SLC25A21: variants seen among roughly 807,000 people sequenced by gnomAD.
SLC25A21 encodes the protein solute carrier family 25 member 21, also known as mitochondrial 2-oxodicarboxylate carrier.
SLC25A21 carries 47 observed loss-of-function variants against 43.8 expected under a neutral mutation model. The ratio of observed to expected loss-of-function variants is 1.07; its 90% confidence interval spans 0.85 to 1.37. SLC25A21 has a LOEUF of 1.37. SLC25A21 is among the 40% of genes most tolerant of loss of function. The pLI, the probability that SLC25A21 is intolerant of heterozygous loss-of-function variation, is 0.00. For synonymous variants in SLC25A21, 131 were observed against 121.3 expected (o/e 1.08, Z -0.52); for missense variants, 352 against 350.2 (o/e 1.00, Z -0.04).
At chr14:37,158,016 T>A (rs530767424) in intron 1 of SLC25A21, among the ~76,000 whole-genome samples, 78 of 152,104 alleles carry the variant, frequency 5.1e-4, no homozygotes, top group Non-Finnish European at 9.4e-4. Flanking sequence ...ACATACAACC[T>A]ACAAAGATTG....
At chr14:37,029,970 G>C (rs760074352) in intron 1 of SLC25A21, among the ~76,000 whole-genome samples, 3 of 151,688 alleles carry the variant, frequency 2.0e-5, no homozygotes, top group African/African-American at 7.3e-5. Context: ...TCACTATGTT[G>C]TCCAGGCTGG....
chr14:37,172,131 G>T, intron 1 of SLC25A21, 150 bp downstream of exon 1: 3 of 789,166 alleles, frequency 3.8e-6, no homozygotes, highest in Non-Finnish European at 5.9e-6. Context: ...CTGCTCTCGC[G>T]CCTCTAGGGG....
At chr14:36,977,809 T>C (rs758147183) in intron 1 of SLC25A21, among the ~76,000 whole-genome samples, 30 of 152,166 alleles carry the variant, frequency 2.0e-4, no homozygotes, top group Non-Finnish European at 4.0e-4. Flanking sequence ...AAAGTTGTGT[T>C]CTTACTAGGA....
At chr14:36,960,489 A>G (rs1467566358) in intron 1 of SLC25A21, among the ~76,000 whole-genome samples, 1 of 152,098 alleles carries the variant, frequency 6.6e-6, no homozygotes, top group African/African-American at 2.4e-5. Flanking sequence ...GCATGTAATA[A>G]TTCTTTATAT....
intron 7 of SLC25A21, among the ~76,000 whole-genome samples, chr14:36,708,896 T>A (rs1883702471): frequency 6.6e-6 from 1 of 152,000 alleles, no homozygotes; most frequent in African/African-American, 2.4e-5. Context: ...GTTTTTTTTT[T>A]AAACAATTGA....
chr14:36,883,544 T>C (rs900534330), intron 1 of SLC25A21, among the ~76,000 whole-genome samples: 5 of 152,212 alleles, frequency 3.3e-5, no homozygotes, highest in Admixed American at 6.5e-5. Flanking sequence ...TGTCTGTCTC[T>C]TCTGATGGAA....
intron 1 of SLC25A21, among the ~76,000 whole-genome samples, chr14:37,164,727 T>C (rs774666105): frequency 9.2e-5 from 14 of 152,184 alleles, no homozygotes; most frequent in Non-Finnish European, 1.6e-4. Context: ...TGTAAGAAAT[T>C]TGAAAACATC....
intron 1 of SLC25A21, among the ~76,000 whole-genome samples, chr14:37,013,625 T>C (rs1365573942): frequency 6.6e-6 from 1 of 152,144 alleles, no homozygotes; most frequent in Non-Finnish European, 1.5e-5. Flanking sequence ...CACACTTTCA[T>C]ATAAAAGTAC....
rs757711209 is a variant in SLC25A21 at position 36,697,738 on chromosome 14, C to CTTTTTTTTTTTTTTTTTTTTTTTTT, written c.604-12814_604-12813insAAAAAAAAAAAAAAAAAAAAAAAAA. ...TCTGAGACTAGGATTGCAAGCCCTA[C>CTTTTTTTTTTTTTTTTTTTTTTTTT]TTTTTTTTTTTGCTTTCCATTTGCT... On this transcript the variant is annotated intron_variant, in intron 7 of 9. Transcript: ENST00000331299. Among the ~76,000 whole-genome samples the CTTTTTTTTTTTTTTTTTTTTTTTTT allele has an allele frequency of 1.6e-4, 18 of 111,646 alleles. 1 individual carries two copies. The highest frequency in any genetic ancestry group is 3.4e-4 in the East Asian group (1 of 2,942). The allele number at this position is 111,646 out of a possible 152,430, so 73.2% of individuals were successfully genotyped here. A position where few individuals can be genotyped will look rare whatever the true frequency, so the allele number is the denominator to read the frequency against.
chr14:37,009,010 C>T (rs1490418409), intron 1 of SLC25A21, among the ~76,000 whole-genome samples: 3 of 152,022 alleles, frequency 2.0e-5, no homozygotes, highest in South Asian at 4.1e-4. Context: ...GAGAGGAATC[C>T]GGGGTCCCAG....
chr14:36,890,406 G>A (rs763230347), intron 1 of SLC25A21, among the ~76,000 whole-genome samples: 1 of 152,140 alleles, frequency 6.6e-6, no homozygotes, highest in Non-Finnish European at 1.5e-5. Flanking sequence ...GATTGGCCAA[G>A]GACTTAGGCT....
intron 1 of SLC25A21, among the ~76,000 whole-genome samples, chr14:36,969,202 T>C (rs537162567): frequency 6.6e-6 from 1 of 152,170 alleles, no homozygotes; most frequent in Non-Finnish European, 1.5e-5. Flanking sequence ...TAAATAAATA[T>C]GTTGTCTTTG....
chr14:36,956,334 C>G (rs183217205), intron 1 of SLC25A21, among the ~76,000 whole-genome samples: 220 of 152,244 alleles, frequency 1.4e-3, no homozygotes, highest in African/African-American at 4.9e-3. Context: ...TAAAAATGCC[C>G]TGACCAAAAA....
rs144253000 is a variant in SLC25A21, at chr14:36,695,165, G to C, written c.604-10240C>G. Among the ~76,000 whole-genome samples the C allele has an allele frequency of 9.5e-3, 1,441 of 152,198 alleles. 17 individuals are homozygous for C. The highest frequency in any genetic ancestry group is 0.033 in the African/African-American group (1,385 of 41,514). On this transcript the variant is annotated intron_variant, in intron 7 of 9. Transcript: ENST00000331299. ...TCCCAGCGCACCATTTATTAAATAG[G>C]GAATCCTTTCCCCATTTCTTGTTTT...
At chr14:36,933,849 C>G (rs1566750128) in intron 1 of SLC25A21, among the ~76,000 whole-genome samples, 1 of 152,158 alleles carries the variant, frequency 6.6e-6, no homozygotes, top group Non-Finnish European at 1.5e-5. Flanking sequence ...AGTTTCCTTT[C>G]TCTTTTCACC....
intron 2 of SLC25A21, among the ~76,000 whole-genome samples, chr14:36,869,773 C>T (rs1466752439): frequency 1.3e-5 from 2 of 152,156 alleles, no homozygotes; most frequent in African/African-American, 4.8e-5. Flanking sequence ...CTCCCACACA[C>T]ACAATCTTGA....
chr14:37,143,615 TG>T (rs1963608268), intron 1 of SLC25A21, among the ~76,000 whole-genome samples: 1 of 151,950 alleles, frequency 6.6e-6, no homozygotes, highest in Non-Finnish European at 1.5e-5. Flanking sequence ...TGTGTGTGTG[TG>T]TGTCTGTAAT....
intron 1 of SLC25A21, among the ~76,000 whole-genome samples, chr14:36,885,365 A>G (rs1294564531): frequency 6.6e-6 from 1 of 152,062 alleles, no homozygotes; most frequent in Non-Finnish European, 1.5e-5. Flanking sequence ...GATTACTATA[A>G]CTTTGTAATA....
chr14:36,926,008 C>T (rs1892121390), intron 1 of SLC25A21, among the ~76,000 whole-genome samples: 1 of 152,076 alleles, frequency 6.6e-6, no homozygotes, highest in Non-Finnish European at 1.5e-5. Context: ...CTAACTTGAC[C>T]ATATTGGCAT....
Sources: allele counts gnomAD v4.1 joint callset (sites outside exome capture counted in the v4.1 genomes callset), GRCh38; gene constraint gnomAD v4.1.1; transcripts MANE v1.5; gene names NCBI Gene and HGNC (gene_info 2026-07-23, HGNC 2026-07-21).